MECOM: variants seen among roughly 807,000 people sequenced by gnomAD.
MECOM encodes histone-lysine N-methyltransferase MECOM.
Under a neutral mutation model 116.3 loss-of-function variants are expected in MECOM, and 13 were observed. The ratio of observed to expected loss-of-function variants is 0.11; its 90% CI spans 0.07 to 0.18. The LOEUF is 0.18. MECOM is among the 10% of genes least tolerant of loss of function. The pLI is 1.00. For missense variants in MECOM, 1,299 were observed against 1,509.0 expected, an observed-to-expected ratio of 0.86 and a Z score of 2.31; for synonymous variants, 528 against 535.2, an observed-to-expected ratio of 0.99 and a Z score of 0.19.
At chr3:169,627,986 C>G (rs16854225) in intron 1 of MECOM, among the ~76,000 whole-genome samples, 1 of 152,282 alleles carries the variant, frequency 6.6e-6, no homozygotes, top group East Asian at 1.9e-4. Flanking sequence ...AAGTCAGAGT[C>G]GGAGAACTTG....
In MECOM at chr3:169,205,669, G is replaced by A. The variant is rs565350408; in HGVS notation, c.376-61837C>T. On this transcript the variant is annotated intron_variant, in intron 2 of 16. Coordinates refer to ENST00000651503, the MANE Select transcript of MECOM (RefSeq NM_004991.4). The stretch of plus-strand genomic sequence containing the variant: ...TAAAAAATGGGAGGATTCAGGAAGA[G>A]GAAGATTGACATAAACACACATTCA... Among the ~76,000 whole-genome samples, 3 of 152,270 alleles carry A rather than the reference G, an allele frequency of 2.0e-5. No individual in the cohort carries two copies. In the South Asian group the frequency reaches 6.2e-4, roughly 32 times the overall value.
intron 1 of MECOM, among the ~76,000 whole-genome samples, chr3:169,422,072 A>G (rs959163886): frequency 6.6e-5 from 10 of 152,014 alleles, no homozygotes; most frequent in Admixed American, 5.9e-4. Context: ...TGCTCTTTTT[A>G]TTGGTTTCTT....
rs1192059548 is a variant in MECOM at position 169,084,791 on chromosome 3, T to C, written c.*118A>G. 5 of 1,085,962 alleles carry C rather than the reference T, an allele frequency of 4.6e-6. No homozygotes were observed. Among genetic ancestry groups the C allele is most frequent in the Non-Finnish European group, 6.7e-6 (5 of 741,544 alleles). The allele number at this position is 1,085,962 out of a possible 1,614,324, so 67.3% of individuals were successfully genotyped here. A position where few individuals can be genotyped will look rare whatever the true frequency, so the allele number is the denominator to read the frequency against. On this transcript the variant is annotated 3_prime_UTR_variant, in exon 17 of 17. Coordinates refer to ENST00000651503, the MANE Select transcript of MECOM (RefSeq NM_004991.4). Reference sequence around the variant, plus strand: ...CATTCAGTTTAAGGTCACTAGACTTTAGATGAGTGACCCTGCAGGTTTATA... The same window carrying C: ...CATTCAGTTTAAGGTCACTAGACTTCAGATGAGTGACCCTGCAGGTTTATA...
chr3:169,440,070 A>G (rs1743345869), intron 1 of MECOM, among the ~76,000 whole-genome samples: 1 of 152,188 alleles, frequency 6.6e-6, no homozygotes, highest in South Asian at 2.1e-4. Context: ...AGGCAGAAGA[A>G]TGAAATAGGG....
intron 16 of MECOM, among the ~76,000 whole-genome samples, chr3:169,087,280 TAATTA>T (rs1718098246): frequency 6.6e-6 from 1 of 152,148 alleles, no homozygotes; most frequent in African/African-American, 2.4e-5. Context: ...TTTGGTGGAC[TAATTA>T]AAAGAAATTT....
At chr3:169,662,008 GT>G in intron 1 of MECOM, among the ~76,000 whole-genome samples, 1 of 152,172 alleles carries the variant, frequency 6.6e-6, no homozygotes, top group Non-Finnish European at 1.5e-5. Context: ...GGGGCTCAGT[GT>G]CCCTGAGTCC....
Position 169,290,401 on chromosome 3 carries a change from T to C in MECOM, c.375+90786A>G, listed in dbSNP as rs148231155. The stretch of plus-strand genomic sequence containing the variant: ...GAGTATGATCTCATAATTGCAAATA[T>C]TTCATGAATTGCTCTATAATTTTAA... On this transcript the variant is annotated intron_variant, in intron 2 of 16. Coordinates refer to ENST00000651503, the MANE Select transcript of MECOM (RefSeq NM_004991.4). Among the ~76,000 whole-genome samples, 847 of 152,308 alleles carry C rather than the reference T, an allele frequency of 5.6e-3. 7 individuals carry two copies. Among genetic ancestry groups the C allele is most frequent in the African/African-American group, 0.019 (802 of 41,570 alleles).
chr3:169,437,890 T>C (rs949592624), intron 1 of MECOM, among the ~76,000 whole-genome samples: 1 of 152,178 alleles, frequency 6.6e-6, no homozygotes, highest in African/African-American at 2.4e-5. Flanking sequence ...TGACAAGAAA[T>C]GCATAAAAAT....
chr3:169,412,767 A>G (rs1025962606), intron 1 of MECOM, among the ~76,000 whole-genome samples: 13 of 152,078 alleles, frequency 8.5e-5, no homozygotes, highest in Admixed American at 2.6e-4. Context: ...GAAACATATA[A>G]GAACATCACT....
intron 2 of MECOM, among the ~76,000 whole-genome samples, chr3:169,205,033 A>G (rs1053962947): frequency 7.9e-5 from 12 of 152,166 alleles, no homozygotes; most frequent in African/African-American, 2.7e-4. Context: ...CCGTCCCTGG[A>G]TGCTATGGGT....
At chr3:169,657,422 C>T (rs1048172151) in intron 1 of MECOM, among the ~76,000 whole-genome samples, 1 of 152,006 alleles carries the variant, frequency 6.6e-6, no homozygotes, top group East Asian at 1.9e-4. Context: ...ACTTGCAAGG[C>T]CAATGTAATA....
intron 1 of MECOM, among the ~76,000 whole-genome samples, chr3:169,534,231 A>G (rs1459788113): frequency 6.6e-6 from 1 of 152,222 alleles, no homozygotes; most frequent in African/African-American, 2.4e-5. Context: ...TAGAATTCAA[A>G]TAGGAAAAAT....
intron 1 of MECOM, among the ~76,000 whole-genome samples, chr3:169,476,073 A>T (rs556876075): frequency 2.6e-5 from 4 of 152,198 alleles, no homozygotes; most frequent in Non-Finnish European, 5.9e-5. Flanking sequence ...TAATACTTTG[A>T]TGAAATATCT....
At chr3:169,169,079 G>T (rs1744032719) in intron 2 of MECOM, among the ~76,000 whole-genome samples, 2 of 152,020 alleles carry the variant, frequency 1.3e-5, no homozygotes, top group Admixed American at 1.3e-4. Context: ...TATAGGTAAT[G>T]TTTCCTCTTC....
chr3:169,167,305 T>C (rs1743746501), intron 2 of MECOM, among the ~76,000 whole-genome samples: 1 of 152,186 alleles, frequency 6.6e-6, no homozygotes, highest in South Asian at 2.1e-4. Flanking sequence ...CCCTGTGCCT[T>C]CTCCTCCTCA....
intron 2 of MECOM, among the ~76,000 whole-genome samples, chr3:169,348,878 C>T (rs1441672068): frequency 6.6e-6 from 1 of 152,046 alleles, no homozygotes; most frequent in African/African-American, 2.4e-5. Flanking sequence ...GTCTACCTCC[C>T]CCTGCCCTCA....
intron 12 of MECOM, among the ~76,000 whole-genome samples, chr3:169,096,240 GA>G (rs961930472): frequency 4.1e-5 from 6 of 148,034 alleles, no homozygotes; most frequent in African/African-American, 9.9e-5. Flanking sequence ...CATGTTACTT[GA>G]AAAAAAAAGT....
chr3:169,467,026 A>G (rs910443468), intron 1 of MECOM: 5 of 152,344 alleles, frequency 3.3e-5, no homozygotes, highest in African/African-American at 1.2e-4. Context: ...CTTTGGCTGT[A>G]AATTCAGAAC....
chr3:169,601,513 C>G, intron 1 of MECOM, among the ~76,000 whole-genome samples: 1 of 152,156 alleles, frequency 6.6e-6, no homozygotes, highest in East Asian at 1.9e-4. Flanking sequence ...CATTGAGTTC[C>G]AGAAGGATGG....
Sources: gnomAD v4.1 joint callset for allele counts (sites outside exome capture counted in the v4.1 genomes callset) on GRCh38, gnomAD v4.1.1 for gene constraint, MANE v1.5 for transcripts, NCBI Gene and HGNC (gene_info 2026-07-23, HGNC 2026-07-21) for gene names.